Variants in NF2 observed in about 807,000 individuals in gnomAD.
The protein encoded by NF2 is merlin.
NF2 carries 8 observed loss-of-function variants against 83.7 expected under a neutral mutation model. The ratio of observed to expected loss-of-function variants is 0.10; its 90% CI spans 0.06 to 0.17. The LOEUF (loss-of-function observed/expected upper bound fraction) is 0.17, where lower values mean the gene tolerates loss of function less well. Among genes scored for constraint, NF2 ranks in the 10% least tolerant of loss-of-function variants. The pLI is 1.00. For synonymous variants in NF2, 266 were observed against 269.6 expected (o/e 0.99, Z 0.13); for missense variants, 533 against 744.4 (o/e 0.72, Z 3.31).
chr22:29,606,619 A>G (rs1283333007), intron 1 of NF2, among the ~76,000 whole-genome samples: 1 of 152,212 alleles, frequency 6.6e-6, no homozygotes, highest in African/African-American at 2.4e-5. Flanking sequence ...GGAGATGTGA[A>G]GGTTTTGGTA....
In NF2 at chr22:29,694,824, G is replaced by A. The variant is rs2067501792; in HGVS notation, c.*22G>A. 1 of 1,610,232 alleles carries A rather than the reference G, an allele frequency of 6.2e-7. No homozygotes were observed. On this transcript the variant is annotated 3_prime_UTR_variant, in exon 16 of 16. Coordinates refer to ENST00000338641, the MANE Select transcript of NF2 (RefSeq NM_000268.4). This position sits in a 1 kb window ranked among gnomAD's most constrained non-coding sequence, Gnocchi z 4.1. Reference sequence around the variant, plus strand: ...CTAGCAGGTGACCCAGCCACCCCAGGACCTGCCACTTCTCCTGCTACCGGG... The same window carrying A: ...CTAGCAGGTGACCCAGCCACCCCAGAACCTGCCACTTCTCCTGCTACCGGG...
chr22:29,694,624 C>T lies in NF2; in HGVS notation c.1738-128C>T. On this transcript the variant is annotated intron_variant, in intron 15 of 15. Coordinates refer to ENST00000338641, the MANE Select transcript of NF2 (RefSeq NM_000268.4). The surrounding 1 kb of genome is among the most constrained non-coding windows in gnomAD (Gnocchi z 4.1). ...TGGGACTGACAGCCAACTTCTTGAG[C>T]ATCTATTTGAACAGCCTTCCCTTTC... The T allele has an allele frequency of 1.1e-6, 1 of 906,108 alleles. No individual in the cohort carries two copies. Among genetic ancestry groups the T allele is most frequent in the Non-Finnish European group, 1.8e-6 (1 of 556,978 alleles). The allele number at this position is 906,108 out of a possible 1,614,324, so 56.1% of individuals were successfully genotyped here.
intron 1 of NF2, among the ~76,000 whole-genome samples, chr22:29,621,458 C>G (rs1359652689): frequency 1.3e-5 from 2 of 151,886 alleles, no homozygotes; most frequent in Non-Finnish European, 2.9e-5. Context: ...TGGTTGTTAC[C>G]TAAAGAAATA....
chr22:29,625,692 T>C (rs2065348902), intron 1 of NF2, among the ~76,000 whole-genome samples: 2 of 152,242 alleles, frequency 1.3e-5, no homozygotes, highest in African/African-American at 4.8e-5. Context: ...GGAAAAATTT[T>C]TAATGGAATC....
intron 10 of NF2, among the ~76,000 whole-genome samples, chr22:29,670,615 G>T (rs899297836): frequency 1.3e-5 from 2 of 151,902 alleles, no homozygotes; most frequent in South Asian, 2.1e-4. Flanking sequence ...ATTGAAGCAA[G>T]AAGTAATTAA....
Position 29,675,093 on chromosome 22 carries a change from C to A in NF2, c.1446+152C>A, listed in dbSNP as rs916345075. On this transcript the variant is annotated intron_variant, in intron 13 of 15. Coordinates refer to ENST00000338641, the MANE Select transcript of NF2 (RefSeq NM_000268.4). ...GGTGCAGAGAGCCTGCAGTTAGGGA[C>A]TGGGTAGAACATCCTGGTCTGCCAT... 15 of 670,598 alleles carry A rather than the reference C, an allele frequency of 2.2e-5. No homozygotes were observed. In the Admixed American group the frequency reaches 3.1e-4, roughly 14 times the overall value. 41.5% of individuals were successfully genotyped at this position (670,598 alleles called of 1,614,324 possible).
At chr22:29,644,005 GCCTGGCCGGGGGGCTGA>G (rs1461272122) in intron 4 of NF2, among the ~76,000 whole-genome samples, 3 of 142,000 alleles carry the variant, frequency 2.1e-5, no homozygotes, top group East Asian at 4.0e-4. Context: ...GGGGCGGCTG[GCCTGGCCGGGGGGCTGA>G]CCCCCCCACC....
chr22:29,610,635 C>T (rs1340409235), intron 1 of NF2, among the ~76,000 whole-genome samples: 1 of 148,612 alleles, frequency 6.7e-6, no homozygotes, highest in Admixed American at 6.7e-5. Flanking sequence ...CAAAGTGAGA[C>T]TCCATCTCAA....
At chr22:29,688,693 G>A (rs1462636785) in intron 15 of NF2, among the ~76,000 whole-genome samples, 2 of 152,248 alleles carry the variant, frequency 1.3e-5, no homozygotes, top group Admixed American at 6.5e-5. Context: ...TACACAAAAA[G>A]GGCCCCTTGG....
At chr22:29,662,595 G>A (rs1283302570) in intron 8 of NF2, among the ~76,000 whole-genome samples, 1 of 152,226 alleles carries the variant, frequency 6.6e-6, no homozygotes, top group African/African-American at 2.4e-5. Context: ...AACAAATGTA[G>A]TCTTCCACAT....
intron 6 of NF2, 86 bp downstream of exon 6, chr22:29,655,762 C>A: frequency 9.4e-7 from 1 of 1,068,076 alleles, no homozygotes; most frequent in Non-Finnish European, 1.4e-6. Flanking sequence ...CTAGGACATG[C>A]TTGTTAAACA....
chr22:29,658,319 C>A (rs2146991790), intron 7 of NF2, 55 bp downstream of exon 7: 2 of 1,433,242 alleles, frequency 1.4e-6, no homozygotes, highest in Non-Finnish European at 2.0e-6. Flanking sequence ...TGAGTGAGGG[C>A]CAGACTGCTA....
intron 15 of NF2, among the ~76,000 whole-genome samples, chr22:29,688,923 G>A (rs1053078072): frequency 6.6e-6 from 1 of 152,172 alleles, no homozygotes; most frequent in Non-Finnish European, 1.5e-5. Context: ...GCTTATGCCT[G>A]TAATCCCAGC....
intron 4 of NF2, among the ~76,000 whole-genome samples, chr22:29,649,595 A>C (rs1347537041): frequency 6.6e-6 from 1 of 152,122 alleles, no homozygotes; most frequent in Non-Finnish European, 1.5e-5. Context: ...AATATATAAA[A>C]GCCAGCTGTG....
At chr22:29,638,989 G>T in intron 2 of NF2, 101 bp from the exon 3 acceptor site, 1 of 1,537,820 alleles carries the variant, frequency 6.5e-7, no homozygotes. Context: ...TAAATTTAGT[G>T]GGAAAAAAAT....
rs111850560 is a variant in NF2, at chr22:29,611,257, C to A, written c.114+7145C>A. ...GAGACTGAGGCCAGGCACAGTGGCTCACGCCTGTAATCCTAACACTTTAGG... is the reference window on the plus strand; with the variant it reads ...GAGACTGAGGCCAGGCACAGTGGCTAACGCCTGTAATCCTAACACTTTAGG... On this transcript the variant is annotated intron_variant, in intron 1 of 15. Transcript: ENST00000338641. 8.1e-4 allele frequency among the ~76,000 whole-genome samples: 123 copies of A among 152,320 alleles called. 3 individuals carry two copies. Among genetic ancestry groups the A allele is most frequent in the African/African-American group, 2.9e-3 (120 of 41,578 alleles).
chr22:29,680,946 GT>G (rs66739096), intron 14 of NF2, among the ~76,000 whole-genome samples: 45,815 of 149,590 alleles, frequency 0.31, 7,306 homozygotes, highest in Non-Finnish European at 0.37. Context: ...TTTCACGTAT[GT>G]TTTTTTTTTG....
chr22:29,642,897 C>A (rs1013606219), intron 4 of NF2, among the ~76,000 whole-genome samples: 12 of 152,128 alleles, frequency 7.9e-5, no homozygotes, highest in Non-Finnish European at 1.6e-4. Flanking sequence ...CTGTGGCCCA[C>A]CAAGCCCACT....
chr22:29,673,190 C>G, intron 11 of NF2, 79 bp from the exon 12 acceptor site: 1 of 1,453,470 alleles, frequency 6.9e-7, no homozygotes. Context: ...CTGGTTTGTC[C>G]CATCTCAGTG....
Sources: gnomAD v4.1 joint callset for allele counts (sites outside exome capture counted in the v4.1 genomes callset) on GRCh38, gnomAD v4.1.1 for gene constraint, Gnocchi (gnomAD v3.1) non-coding constraint, MANE v1.5 for transcripts, NCBI Gene and HGNC (gene_info 2026-07-23, HGNC 2026-07-21) for gene names.